CAB39L: variants seen among roughly 807,000 people sequenced by gnomAD.
The protein encoded by CAB39L is calcium-binding protein 39-like.
A neutral mutation model predicts 39.1 loss-of-function variants in CAB39L; 23 were observed. The observed-to-expected ratio is 0.59, with a 90% CI of 0.42 to 0.83. The LOEUF is 0.83. CAB39L is among the 40% of genes least tolerant of loss of function. CAB39L has a pLI of 0.00. For synonymous variants in CAB39L, 126 were observed against 137.2 expected, an observed-to-expected ratio of 0.92 and a Z score of 0.57; for missense variants, 366 against 391.9, an observed-to-expected ratio of 0.93 and a Z score of 0.56.
chr13:49,370,866 G>A (rs942573512), intron 5 of CAB39L, among the ~76,000 whole-genome samples: 5 of 152,132 alleles, frequency 3.3e-5, no homozygotes, highest in African/African-American at 9.6e-5. Context: ...GCCTTCTAAA[G>A]CTTATATTCA....
rs918723007 is a variant in CAB39L at position 49,434,171 on chromosome 13, A to G, written c.-193T>C. On this transcript the variant is annotated 5_prime_UTR_variant, in exon 2 of 11. Coordinates refer to ENST00000409308, the MANE Select transcript of CAB39L (RefSeq NM_001079670.3). ...TCGCATCTTTACGTTCTGAACAGCA[A>G]CTTAGAACACTTTGCTCCTGATATT... 4.8e-5 allele frequency: 22 copies of G among 456,552 alleles called. No individual in the cohort carries two copies. The highest frequency in any genetic ancestry group is 8.8e-5 in the Non-Finnish European group (20 of 226,930). The allele number at this position is 456,552 out of a possible 1,614,324, so 28.3% of individuals were successfully genotyped here.
At chr13:49,382,632 C>T (rs1415668696) in intron 4 of CAB39L, 168 bp downstream of exon 4, 5 of 550,370 alleles carry the variant, frequency 9.1e-6, no homozygotes, top group Non-Finnish European at 1.6e-5. Flanking sequence ...TCACAACAGA[C>T]TAAATAATAA....
At chr13:49,428,890 GTCAATGATTACAA>G (rs1407818376) in intron 3 of CAB39L, among the ~76,000 whole-genome samples, 1 of 152,046 alleles carries the variant, frequency 6.6e-6, no homozygotes, top group Non-Finnish European at 1.5e-5. Flanking sequence ...AGATAAACAA[GTCAATGATTACAA>G]TCACATATTT....
intron 7 of CAB39L, among the ~76,000 whole-genome samples, chr13:49,346,123 A>ATATATATATATATATATATATATATATT (rs1593956580): frequency 8.3e-6 from 1 of 119,834 alleles, no homozygotes; most frequent in African/African-American, 3.6e-5. Flanking sequence ...ATATATATAT[A>ATATATATATATATATATATATATATATT]TCATGGATAC....
intron 6 of CAB39L, among the ~76,000 whole-genome samples, chr13:49,352,797 A>C (rs954926240): frequency 1.3e-5 from 2 of 152,162 alleles, no homozygotes; most frequent in Non-Finnish European, 2.9e-5. Flanking sequence ...GATATCATTG[A>C]CCATTTCAAC....
At chr13:49,373,864 T>TTC (rs1955988046) in intron 5 of CAB39L, among the ~76,000 whole-genome samples, 1 of 152,232 alleles carries the variant, frequency 6.6e-6, no homozygotes, top group African/African-American at 2.4e-5. Context: ...TTTATCAAGC[T>TTC]GTCAGTAGCT....
intron 10 of CAB39L, among the ~76,000 whole-genome samples, chr13:49,324,758 C>T (rs141867642): frequency 6.6e-5 from 10 of 152,260 alleles, no homozygotes; most frequent in South Asian, 2.1e-4. Context: ...GTGTTCTGTA[C>T]GCTACAAAAT....
chr13:49,327,172 T>A (rs1030626044), intron 10 of CAB39L, among the ~76,000 whole-genome samples: 4 of 151,712 alleles, frequency 2.6e-5, no homozygotes, highest in East Asian at 1.9e-4. Context: ...ATTTTTTTTT[T>A]AATAAAATAT....
In CAB39L at chr13:49,329,541, AAAAATATATATATATAT is replaced by A. The variant is rs1483600801; in HGVS notation, c.834+2389_834+2405del. ...CCTACATATCTCTTCAATTAAAAAA[AAAAATATATATATATAT>A]ATATATATATATATATATATATATA... On this transcript the variant is annotated intron_variant, in intron 10 of 10. Coordinates refer to ENST00000409308, the MANE Select transcript of CAB39L (RefSeq NM_001079670.3). Among the ~76,000 whole-genome samples, 260 of 36,484 alleles carry A rather than the reference AAAAATATATATATATAT, an allele frequency of 7.1e-3. 13 individuals carry two copies. Among genetic ancestry groups the A allele is most frequent in the Middle Eastern group, 9.8e-3 (1 of 102 alleles). The allele number at this position is 36,484 out of a possible 152,430, so 23.9% of individuals were successfully genotyped here.
chr13:49,314,088 G>A (rs1356930347), intron 10 of CAB39L, among the ~76,000 whole-genome samples: 3 of 152,142 alleles, frequency 2.0e-5, no homozygotes, highest in African/African-American at 7.2e-5. Flanking sequence ...ATGTTTACAC[G>A]TGGTGGTAAG....
intron 7 of CAB39L, 95 bp from the exon 8 acceptor site, chr13:49,344,333 GA>G: frequency 2.8e-6 from 2 of 704,972 alleles, no homozygotes; most frequent in Non-Finnish European, 4.8e-6. Context: ...AAAAGTTGCA[GA>G]AGAACATTTT....
intron 8 of CAB39L, among the ~76,000 whole-genome samples, chr13:49,342,397 T>C (rs980531824): frequency 2.0e-5 from 3 of 152,174 alleles, no homozygotes; most frequent in African/African-American, 7.2e-5. Context: ...CTACCATAAA[T>C]ATCATATACA....
In CAB39L at chr13:49,350,811, C is replaced by T. The variant is rs1386245516; in HGVS notation, c.497G>A (p.Arg166Lys). The T allele has an allele frequency of 1.2e-6, 2 of 1,610,684 alleles. No individual in the cohort carries two copies. The highest frequency in any genetic ancestry group is 4.5e-5 in the East Asian group (2 of 44,782). ...CAACTCCACGTACTTAAAGAAATCT[C>T]TGAATTGATTAGAAAAGAGGATGAT... ...AKIILFSNQFRDFFKYVELST... is the reference protein window; with the variant it reads ...AKIILFSNQFKDFFKYVELST... Residue 166 changes from arginine to lysine, a missense_variant, in exon 7 of 11, where the codon AGA (arginine) becomes AAA (lysine). Physicochemically the swap from Arg to Lys is conservative, Grantham distance 26. Transcript: ENST00000409308.
chr13:49,425,705 G>T (rs775847375), intron 3 of CAB39L, among the ~76,000 whole-genome samples: 1 of 152,178 alleles, frequency 6.6e-6, no homozygotes, highest in South Asian at 2.1e-4. Context: ...AGTCATTACA[G>T]ACAATCCTTT....
chr13:49,407,507 A>C (rs1373173371), intron 3 of CAB39L, among the ~76,000 whole-genome samples: 1 of 152,132 alleles, frequency 6.6e-6, no homozygotes, highest in Non-Finnish European at 1.5e-5. Context: ...CAATAAAAAC[A>C]ATGGCACAAA....
chr13:49,412,019 C>G (rs1957000681), intron 3 of CAB39L, among the ~76,000 whole-genome samples: 1 of 152,122 alleles, frequency 6.6e-6, no homozygotes, highest in Admixed American at 6.5e-5. Flanking sequence ...GTAAACTCCC[C>G]CCAAAACCCT....
intron 10 of CAB39L, among the ~76,000 whole-genome samples, chr13:49,320,481 G>A (rs1030116065): frequency 6.6e-6 from 1 of 152,164 alleles, no homozygotes; most frequent in African/African-American, 2.4e-5. Context: ...TGAAAATATT[G>A]CACTCTCCAT....
At chr13:49,411,493 T>C (rs1956989860) in intron 3 of CAB39L, among the ~76,000 whole-genome samples, 1 of 151,990 alleles carries the variant, frequency 6.6e-6, no homozygotes, top group Non-Finnish European at 1.5e-5. Context: ...CAAAGTGCTA[T>C]CCTTCCAGAC....
At chr13:49,415,094 C>T (rs750559810) in intron 3 of CAB39L, among the ~76,000 whole-genome samples, 7 of 151,744 alleles carry the variant, frequency 4.6e-5, no homozygotes, top group Non-Finnish European at 1.0e-4. Context: ...CTACTTGGGA[C>T]GCTGAGGTGG....
Sources: allele counts gnomAD v4.1 joint callset (sites outside exome capture counted in the v4.1 genomes callset), GRCh38; gene constraint gnomAD v4.1.1; transcripts MANE v1.5; gene names NCBI Gene and HGNC (gene_info 2026-07-23, HGNC 2026-07-21).